MTMR2: variants seen among roughly 807,000 people sequenced by gnomAD.
The protein encoded by MTMR2 is phosphatidylinositol-3,5-bisphosphate 3-phosphatase MTMR2.
In MTMR2, 55 loss-of-function variants were observed where a neutral mutation model predicts 86.9. The ratio of observed to expected loss-of-function variants is 0.63; its 90% confidence interval spans 0.51 to 0.79. The LOEUF (loss-of-function observed/expected upper bound fraction) is 0.79. MTMR2 is among the 30% of genes least tolerant of loss of function. MTMR2 has a pLI of 0.00. For synonymous variants in MTMR2, 241 were observed against 266.8 expected (o/e 0.90, Z 0.94); for missense variants, 659 against 772.3 (o/e 0.85, Z 1.74).
At position 95,835,300 on chromosome 11, in the gene MTMR2, G is replaced by C. The variant is rs1370106214; in HGVS notation, c.1922C>G (p.Thr641Ser). The C allele has an allele frequency of 6.2e-7, 1 of 1,612,852 alleles. No individual in the cohort carries two copies. Among genetic ancestry groups the C allele is most frequent in the African/African-American group, 1.3e-5 (1 of 74,988 alleles). ...TGATCTTACAGTCCTTTATACAACA[G>C]TTTGGACAGGAGTGACACACTGTGC... ...SPAQCVTPVQ[T>S]VV Residue 641 changes from threonine to serine, a missense_variant, in exon 15 of 15, where the codon ACT (threonine) becomes AGT (serine). Physicochemically the swap from Thr to Ser is moderately conservative, Grantham distance 58. Coordinates refer to ENST00000346299, the MANE Select transcript of MTMR2 (RefSeq NM_016156.6).
At chr11:95,849,188 A>T (rs144968736) in intron 9 of MTMR2, among the ~76,000 whole-genome samples, 79 of 152,280 alleles carry the variant, frequency 5.2e-4, no homozygotes, top group African/African-American at 1.8e-3. Flanking sequence ...CTGCTGGAAC[A>T]ATCAGCTACA....
chr11:95,880,621 G>A (rs561163467), intron 2 of MTMR2, among the ~76,000 whole-genome samples: 3 of 152,126 alleles, frequency 2.0e-5, no homozygotes, highest in African/African-American at 7.2e-5. Context: ...TTGATCTGAT[G>A]AATGTGAAAT....
chr11:95,841,485 T>C, intron 12 of MTMR2, 132 bp downstream of exon 12: 1 of 760,618 alleles, frequency 1.3e-6, no homozygotes, highest in South Asian at 1.4e-5. Flanking sequence ...AATAAATAGC[T>C]CTCACATGGA....
intron 1 of MTMR2, among the ~76,000 whole-genome samples, chr11:95,920,902 A>C (rs1372934307): frequency 6.6e-6 from 1 of 152,188 alleles, no homozygotes; most frequent in African/African-American, 2.4e-5. Context: ...GCACTCGGCC[A>C]AGTATGTCAT....
At chr11:95,904,999 C>T (rs1866203945) in intron 1 of MTMR2, among the ~76,000 whole-genome samples, 2 of 152,292 alleles carry the variant, frequency 1.3e-5, no homozygotes, top group South Asian at 4.1e-4. Context: ...TTTGCTAAAC[C>T]TGTTAATACT....
At chr11:95,878,483 T>C (rs887759281) in intron 2 of MTMR2, among the ~76,000 whole-genome samples, 2 of 152,072 alleles carry the variant, frequency 1.3e-5, no homozygotes, top group Admixed American at 1.3e-4. Context: ...GTTTCATCAG[T>C]TGCAACAAAT....
At chr11:95,877,383 A>ATTTTTTTTTT (rs1865162813) in intron 2 of MTMR2, among the ~76,000 whole-genome samples, 1 of 101,004 alleles carries the variant, frequency 9.9e-6, no homozygotes, top group African/African-American at 4.1e-5. Context: ...AGTCAGGGAC[A>ATTTTTTTTTT]TTTTGGTTTT....
At chr11:95,885,904 T>C (rs1865498053) in intron 2 of MTMR2, among the ~76,000 whole-genome samples, 1 of 152,122 alleles carries the variant, frequency 6.6e-6, no homozygotes. Flanking sequence ...TAAAATGTGA[T>C]GAAATGGCAC....
Position 95,902,954 on chromosome 11 carries a change from T to A in MTMR2, c.81-14693A>T, listed in dbSNP as rs372064668. On this transcript the variant is annotated intron_variant, in intron 1 of 14. Coordinates refer to ENST00000346299, the MANE Select transcript of MTMR2 (RefSeq NM_016156.6). ...TTGCCTGTCTCTAAGTCACTCTCTCTCACTCCTTAAGACTTTAGCTTCAGG... is the reference window on the plus strand; with the variant it reads ...TTGCCTGTCTCTAAGTCACTCTCTCACACTCCTTAAGACTTTAGCTTCAGG... 1.5e-4 allele frequency among the ~76,000 whole-genome samples: 23 copies of A among 152,308 alleles called. No individual in the cohort carries two copies. The East Asian group carries it at 2.3e-3, about 15-fold the overall frequency.
intron 1 of MTMR2, chr11:95,907,902 G>A (rs2135598740): frequency 2.3e-6 from 1 of 432,590 alleles, no homozygotes; most frequent in Non-Finnish European, 4.6e-6. Flanking sequence ...ACACTGAATG[G>A]GTAAAAGCTG....
chr11:95,895,360 G>A (rs1591031807), intron 1 of MTMR2, among the ~76,000 whole-genome samples: 2 of 152,060 alleles, frequency 1.3e-5, no homozygotes, highest in East Asian at 3.9e-4. Flanking sequence ...ATCAGATCAA[G>A]GCTTTGGAAA....
intron 10 of MTMR2, among the ~76,000 whole-genome samples, chr11:95,846,217 G>A (rs550267852): frequency 6.6e-6 from 1 of 152,240 alleles, no homozygotes; most frequent in African/African-American, 2.4e-5. Context: ...CTAACCCAAA[G>A]GCTTAGTTAA....
At chr11:95,864,350 A>T (rs1864530740) in intron 3 of MTMR2, among the ~76,000 whole-genome samples, 1 of 152,120 alleles carries the variant, frequency 6.6e-6, no homozygotes, top group South Asian at 2.1e-4. Context: ...AACAAATGAG[A>T]CTGAGTGGTA....
intron 5 of MTMR2, among the ~76,000 whole-genome samples, chr11:95,859,052 AC>A (rs544137326): frequency 2.2e-3 from 330 of 152,314 alleles, no homozygotes; most frequent in African/African-American, 7.6e-3. Flanking sequence ...AGTAGTTGTT[AC>A]ATTTCATACG....
intron 2 of MTMR2, among the ~76,000 whole-genome samples, chr11:95,872,426 G>A (rs560989500): frequency 6.6e-6 from 1 of 152,286 alleles, no homozygotes; most frequent in African/African-American, 2.4e-5. Flanking sequence ...TCTGTTATTG[G>A]TGTATAAGAA....
At position 95,849,764 on chromosome 11, in the gene MTMR2, T is replaced by A. The variant is rs1427811398; in HGVS notation, c.903A>T (p.Lys301Asn). Residue 301 changes from lysine (K) to asparagine (N), a missense_variant, in exon 9 of 15, where the codon AAA (lysine) becomes AAT (asparagine). By Grantham distance (94) the Lys-to-Asn change is moderately conservative. This residue lies in a region of MTMR2 where 387 missense variants were observed against 526.3 expected (regional missense o/e 0.74). Coordinates refer to ENST00000346299, the MANE Select transcript of MTMR2 (RefSeq NM_016156.6). ...VSGKRSKEDE[K>N]YLQAIMDSNA... ...TGGAATCCATGATAGCTTGAAGGTA[T>A]TTTTCATCTTCTTTGCTTCGCTTTC... 6.2e-7 allele frequency: 1 copy of A among 1,614,108 alleles called. No individual in the cohort carries two copies. The highest frequency in any genetic ancestry group is 8.5e-7 in the Non-Finnish European group (1 of 1,179,960).
At chr11:95,853,044 A>AT (rs771906273) in intron 7 of MTMR2, among the ~76,000 whole-genome samples, 9 of 145,286 alleles carry the variant, frequency 6.2e-5, no homozygotes, top group Admixed American at 1.4e-4. Flanking sequence ...ATTTATATAT[A>AT]ATATATATAT....
intron 7 of MTMR2, among the ~76,000 whole-genome samples, chr11:95,856,728 T>A (rs1193025342): frequency 6.6e-6 from 1 of 152,124 alleles, no homozygotes; most frequent in Non-Finnish European, 1.5e-5. Context: ...TTTACCTCTT[T>A]TCTTTAGACA....
chr11:95,892,949 A>C (rs1865762705), intron 1 of MTMR2, among the ~76,000 whole-genome samples: 1 of 152,120 alleles, frequency 6.6e-6, no homozygotes, highest in African/African-American at 2.4e-5. Context: ...CCAAAGATGA[A>C]ACAAGCATTT....
Sources: allele counts gnomAD v4.1 joint callset (sites outside exome capture counted in the v4.1 genomes callset), GRCh38; gene constraint gnomAD v4.1.1; regional missense constraint gnomAD v4.1.1; transcripts MANE v1.5; gene names NCBI Gene and HGNC (gene_info 2026-07-23, HGNC 2026-07-21).